The following LAMC3 variants were observed in gnomAD, a reference collection of about 807,000 sequenced individuals.
LAMC3 encodes laminin subunit gamma 3.
Under a neutral mutation model 173.8 loss-of-function variants are expected in LAMC3, and 128 were observed. The ratio of observed to expected loss-of-function variants is 0.74; its 90% CI spans 0.64 to 0.85. The LOEUF is 0.85. Among genes scored for constraint, LAMC3 ranks in the 40% least tolerant of loss-of-function variants. LAMC3 has a pLI of 0.00. For missense variants in LAMC3, 2,022 were observed against 2,156.0 expected, an observed-to-expected ratio of 0.94 and a Z score of 1.23; for synonymous variants, 897 against 909.1, an observed-to-expected ratio of 0.99 and a Z score of 0.24.
chr9:131,059,560 AC>A (rs370003479), intron 12 of LAMC3, among the ~76,000 whole-genome samples: 89,885 of 146,722 alleles, frequency 0.61, 28,652 homozygotes, highest in Non-Finnish European at 0.7. Context: ...GCACAACCAC[AC>A]GCCACACGCC....
At chr9:131,017,719 CAAAAAAAAAAAA>C (rs34153382) in intron 1 of LAMC3, among the ~76,000 whole-genome samples, 4 of 35,064 alleles carry the variant, frequency 1.1e-4, no homozygotes, top group African/African-American at 2.4e-4. Flanking sequence ...AAGACTGTCT[CAAAAAAAAAAAA>C]AAAAAAAAAA....
intron 12 of LAMC3, 122 bp downstream of exon 12, chr9:131,057,269 G>A: frequency 1.2e-6 from 1 of 814,722 alleles, no homozygotes; most frequent in Non-Finnish European, 2.1e-6. Context: ...CTGTGGGGCA[G>A]TGCGGGCACT....
intron 13 of LAMC3, among the ~76,000 whole-genome samples, chr9:131,065,878 A>G (rs1264691861): frequency 1.3e-5 from 2 of 151,918 alleles, no homozygotes; most frequent in African/African-American, 2.4e-5. Context: ...GAGAAGGATG[A>G]GGTTAGTGGT....
rs1833773793 is a variant in LAMC3 at position 131,028,714 on chromosome 9, T to C, written c.678+2125T>C. 2.0e-5 allele frequency among the ~76,000 whole-genome samples: 3 copies of C among 152,236 alleles called. No homozygotes were observed. In the South Asian group the frequency reaches 6.2e-4, roughly 32 times the overall value. On this transcript the variant is annotated intron_variant, in intron 2 of 27. Transcript: ENST00000361069. The stretch of plus-strand genomic sequence containing the variant: ...AGAAGGGACCAACCAGGCTCTGAGC[T>C]TCCAGCTGTTCTCCCAATGCAGTGG...
In LAMC3 at chr9:131,038,937, G is replaced by C. The variant is rs145888529; in HGVS notation, c.1050G>C (p.Gly350=). The change falls in exon 5 of 28, where the codon GGG becomes GGC. Residue 350 remains glycine (G), a synonymous_variant. Coordinates refer to ENST00000361069, the MANE Select transcript of LAMC3 (RefSeq NM_006059.4). ...TCTTCCGCAGCACAGGCCACGGCGG[G>C]CGCTGTCACCACTGCCGTGACCACA... is the stretch of plus-strand genomic sequence containing the variant. ...RELFRSTGHG[G]RCHHCRDHTA... 1.1e-5 allele frequency: 17 copies of C among 1,612,958 alleles called. No homozygotes were observed. In the African/African-American group the frequency reaches 2.1e-4, roughly 20 times the overall value.
chr9:131,081,481 C>A (rs1274500959), intron 23 of LAMC3, among the ~76,000 whole-genome samples: 23 of 78,164 alleles, frequency 2.9e-4, no homozygotes, highest in African/African-American at 9.9e-4. Context: ...CTTTCTTTCT[C>A]TCTCTTTTTT....
At position 131,052,652 on chromosome 9, in the gene LAMC3, G is replaced by T; in HGVS notation, c.1792G>T (p.Gly598Trp). 1 of 1,613,706 alleles carries T rather than the reference G, an allele frequency of 6.2e-7. No individual in the cohort carries two copies. Among genetic ancestry groups the T allele is most frequent in the East Asian group, 2.2e-5 (1 of 44,874 alleles). Residue 598 changes from glycine (G) to tryptophan (W), a missense_variant, in exon 10 of 28, where the codon GGG becomes TGG. Physicochemically the swap from Gly to Trp is radical, Grantham distance 184 (BLOSUM62 -2). Transcript: ENST00000361069. ...TAGCCTGTCTGGCCCCCAGGATGCCGGGCATCCCAGGGAGGTAGAGCTCAG... is the reference window on the plus strand; with the variant it reads ...TAGCCTGTCTGGCCCCCAGGATGCCTGGCATCCCAGGGAGGTAGAGCTCAG... ...HSSLSGPQDA[G>W]HPREVELRFH...
At position 131,026,488 on chromosome 9, in the gene LAMC3, GA is replaced by G; in HGVS notation, c.578del (p.Glu193GlyfsTer8). 1 of 1,613,442 alleles carries G rather than the reference GA, an allele frequency of 6.2e-7. No individual in the cohort carries two copies. The highest frequency in any genetic ancestry group is 2.2e-5 in the East Asian group (1 of 44,880). ...EDERVAFCTS[E>X]FSDISPLSGG... The stretch of plus-strand genomic sequence containing the variant: ...CGAGCGCGTGGCCTTCTGCACCTCT[GA>G]GTTCAGCGACATCTCCCCGCTGAGT... On this transcript the variant is annotated frameshift_variant, in exon 2 of 28. Transcript: ENST00000361069. LOFTEE classifies it high-confidence loss of function. The surrounding 1 kb of genome is among the most constrained non-coding windows in gnomAD (Gnocchi z 4.8).
chr9:131,080,003 T>A (rs143314594), intron 23 of LAMC3, among the ~76,000 whole-genome samples: 1,612 of 152,318 alleles, frequency 0.011, 20 homozygotes, highest in African/African-American at 0.037. Context: ...GAAACAGTCT[T>A]GCTCTATTGC....
At chr9:131,020,667 G>A (rs1442842788) in intron 1 of LAMC3, among the ~76,000 whole-genome samples, 2 of 152,180 alleles carry the variant, frequency 1.3e-5, no homozygotes, top group East Asian at 3.9e-4. Context: ...CATAAGTCAG[G>A]GAACAGACGA....
chr9:131,049,151 G>A lies in LAMC3; in HGVS notation c.1630+21G>A, dbSNP rs866835772. The A allele has an allele frequency of 5.6e-6, 8 of 1,438,858 alleles. No individual in the cohort carries two copies. In the Middle Eastern group the frequency reaches 1.2e-3, roughly 217 times the overall value. 89.1% of individuals were successfully genotyped at this position (1,438,858 alleles called of 1,614,324 possible). A position where few individuals can be genotyped will look rare whatever the true frequency, so the allele number is the denominator to read the frequency against. On this transcript the variant is annotated intron_variant, in intron 9 of 27. Coordinates refer to ENST00000361069, the MANE Select transcript of LAMC3 (RefSeq NM_006059.4). ...ACCAGGTACCTCCAGCACCAGGTGG[G>A]GGCTGGCCGCCCTGTGTCGGTTCCT...
At chr9:131,034,412 T>G (rs749756271) in intron 3 of LAMC3, among the ~76,000 whole-genome samples, 29 of 152,240 alleles carry the variant, frequency 1.9e-4, no homozygotes, top group Non-Finnish European at 3.5e-4. Flanking sequence ...TACCACACAG[T>G]GTGTCCGCTA....
At chr9:131,055,661 A>G (rs1181994962) in intron 11 of LAMC3, among the ~76,000 whole-genome samples, 23 of 150,030 alleles carry the variant, frequency 1.5e-4, no homozygotes, top group South Asian at 4.2e-4. Flanking sequence ...TCCTGACCTT[A>G]TGATTCGCCC....
rs184745951 is a variant in LAMC3 at position 131,039,362 on chromosome 9, C to G, written c.1283+114C>G. On this transcript the variant is annotated intron_variant, in intron 6 of 27. Transcript: ENST00000361069. ...CATCCCTTCCTGTCTGCAGCTACCT[C>G]GCCCTAATCCTGGTGAAGACTAGAG... The G allele has an allele frequency of 7.1e-5, 62 of 878,660 alleles. 1 individual carries two copies. Among genetic ancestry groups the G allele is most frequent in the Middle Eastern group, 4.4e-4 (2 of 4,576 alleles). The allele number at this position is 878,660 out of a possible 1,614,324, so 54.4% of individuals were successfully genotyped here.
In LAMC3 at chr9:131,067,099, CCACTGCCTG is replaced by C. The variant is rs1417905350; in HGVS notation, c.2489_2497del (p.His830_Leu832del). On this transcript the variant is annotated inframe_deletion, in exon 14 of 28. Coordinates refer to ENST00000361069, the MANE Select transcript of LAMC3 (RefSeq NM_006059.4). ...TGGGCAACTGTGACCCCCTGTCTGG[CCACTGCCTG>C]CGCTGCCTGCACAACACCACGGGTG... is the stretch of plus-strand genomic sequence containing the variant. 3.7e-6 allele frequency: 6 copies of C among 1,614,068 alleles called. No individual in the cohort carries two copies. In the African/African-American group the frequency reaches 5.3e-5, roughly 14 times the overall value.
rs1464704890 is a variant in LAMC3 at position 131,032,195 on chromosome 9, C to T, written c.809+20C>T. 6.3e-7 allele frequency: 1 copy of T among 1,575,632 alleles called. No individual in the cohort carries two copies. The highest frequency in any genetic ancestry group is 2.3e-5 in the East Asian group (1 of 43,842). On this transcript the variant is annotated intron_variant, in intron 3 of 27. Transcript: ENST00000361069. Reference sequence around the variant, plus strand: ...CGGCAGGTAGGAGGGAGGAGGGAGGCAGGGTGGCAGGGCTCCAGGACCCAA... The same window carrying T: ...CGGCAGGTAGGAGGGAGGAGGGAGGTAGGGTGGCAGGGCTCCAGGACCCAA...
At chr9:131,045,495 C>T (rs1367927846) in intron 7 of LAMC3, 29 bp from the exon 8 acceptor site, 3 of 1,612,660 alleles carry the variant, frequency 1.9e-6, no homozygotes, top group African/African-American at 2.7e-5. Context: ...TCACGTGGCC[C>T]TCGTGGGCAT....
intron 23 of LAMC3, among the ~76,000 whole-genome samples, chr9:131,080,976 G>A (rs1394446649): frequency 6.6e-6 from 1 of 152,166 alleles, no homozygotes; most frequent in African/African-American, 2.4e-5. Flanking sequence ...GCACGTTCAC[G>A]ATGTTATGCC....
At chr9:131,056,663 C>G (rs529712931) in intron 11 of LAMC3, among the ~76,000 whole-genome samples, 129 of 152,160 alleles carry the variant, frequency 8.5e-4, no homozygotes, top group Admixed American at 2.4e-3. Context: ...GGCTTGGTGT[C>G]TTGCCTGTAG....
Sources: gnomAD v4.1 joint callset for allele counts (sites outside exome capture counted in the v4.1 genomes callset) on GRCh38, gnomAD v4.1.1 for gene constraint, Gnocchi (gnomAD v3.1) non-coding constraint, MANE v1.5 for transcripts, NCBI Gene and HGNC (gene_info 2026-07-23, HGNC 2026-07-21) for gene names.